The following DAB1 variants were observed in gnomAD, a reference collection of about 807,000 sequenced individuals.
DAB1 encodes DAB adaptor protein 1.
In DAB1, 15 loss-of-function variants were observed where a neutral mutation model predicts 64.6. That is an observed-to-expected ratio of 0.23 (90% CI 0.16 to 0.36). DAB1 has a LOEUF of 0.36. Among genes scored for constraint, DAB1 ranks in the 10% least tolerant of loss-of-function variants. DAB1 has a pLI of 1.00. For synonymous variants in DAB1, 235 were observed against 251.9 expected, an observed-to-expected ratio of 0.93 and a Z score of 0.64; for missense variants, 596 against 706.7, an observed-to-expected ratio of 0.84 and a Z score of 1.78.
chr1:57,788,899 T>C (rs1650460459), intron 6 of DAB1, among the ~76,000 whole-genome samples: 1 of 152,060 alleles, frequency 6.6e-6, no homozygotes, highest in Admixed American at 6.6e-5. Flanking sequence ...CCACCAAAAA[T>C]TGAGGTCAGA....
chr1:57,607,965 G>A (rs1645677191), intron 7 of DAB1, among the ~76,000 whole-genome samples: 1 of 152,112 alleles, frequency 6.6e-6, no homozygotes, highest in Admixed American at 6.6e-5. Flanking sequence ...TGCCAGGTAA[G>A]ACAGAGCATG....
chr1:58,525,866 A>T (rs565401186), intron 2 of DAB1, among the ~76,000 whole-genome samples: 37 of 152,176 alleles, frequency 2.4e-4, no homozygotes, highest in African/African-American at 8.7e-4. Context: ...TAAACAAGCC[A>T]ATGGAACAGA....
chr1:57,780,367 A>G (rs1193698730), intron 6 of DAB1, among the ~76,000 whole-genome samples: 1 of 152,156 alleles, frequency 6.6e-6, no homozygotes, highest in Non-Finnish European at 1.5e-5. Flanking sequence ...AATTTGATAA[A>G]TATTCCTCAA....
rs1276438721 is a variant in DAB1, at chr1:57,802,671, G to C, written n.551+81328C>G. On this transcript the variant is annotated intron_variant and non_coding_transcript_variant, in intron 6 of 20. Coordinates refer to the DAB1 transcript ENST00000485760. ...AGTGAGTGAGTTCTCATGAGATCTG[G>C]TTGTTTAAAACTGTGTAGCACCTTC... Among the ~76,000 whole-genome samples, 5 of 152,156 alleles carry C rather than the reference G, an allele frequency of 3.3e-5. No homozygotes were observed. The East Asian group carries it at 7.7e-4, about 24-fold the overall frequency.
intron 5 of DAB1, among the ~76,000 whole-genome samples, chr1:57,898,986 G>A (rs965094450): frequency 6.6e-6 from 1 of 151,692 alleles, no homozygotes; most frequent in African/African-American, 2.4e-5. Context: ...GGTAGGGATC[G>A]GTTTGTTCCA....
intron 5 of DAB1, among the ~76,000 whole-genome samples, chr1:57,942,391 AT>A (rs1021115112): frequency 1.3e-5 from 2 of 152,242 alleles, no homozygotes; most frequent in African/African-American, 4.8e-5. Context: ...TGAAACCACA[AT>A]TAACTGTACA....
intron 9 of DAB1, among the ~76,000 whole-genome samples, chr1:57,053,307 G>T (rs997743758): frequency 6.6e-6 from 1 of 152,086 alleles, no homozygotes. Flanking sequence ...GAGTGCAATT[G>T]TGCAATCATA....
intron 5 of DAB1, among the ~76,000 whole-genome samples, chr1:58,011,738 A>C (rs889830686): frequency 5.9e-5 from 9 of 151,958 alleles, no homozygotes; most frequent in African/African-American, 1.9e-4. Flanking sequence ...CCCAGGCTGG[A>C]GTGCAGTGGT....
chr1:58,229,063 C>T lies in DAB1; in HGVS notation n.310-78475G>A, dbSNP rs552242662. ...CTCACTGCAACCTTGAACTCCCAGG[C>T]TCAATTGATCCTCCTGCCTCAGCCT... On this transcript the variant is annotated intron_variant and non_coding_transcript_variant, in intron 4 of 20. Transcript: ENST00000485760. The T allele has an allele frequency of 1.5e-5, 4 of 272,984 alleles. No individual in the cohort carries two copies. In the South Asian group the frequency reaches 2.0e-4, roughly 13 times the overall value. The allele number at this position is 272,984 out of a possible 1,614,324, so 16.9% of individuals were successfully genotyped here.
At chr1:57,701,988 C>T (rs1646913699) in intron 6 of DAB1, among the ~76,000 whole-genome samples, 1 of 152,116 alleles carries the variant, frequency 6.6e-6, no homozygotes, top group Non-Finnish European at 1.5e-5. Flanking sequence ...ATTGCCATCT[C>T]GTTAGAGTTG....
intron 5 of DAB1, among the ~76,000 whole-genome samples, chr1:58,063,807 A>G (rs947634034): frequency 6.6e-6 from 1 of 152,188 alleles, no homozygotes; most frequent in African/African-American, 2.4e-5. Context: ...GCCCAAGCCA[A>G]TTGCCATTTC....
chr1:57,557,508 A>C lies in DAB1; in HGVS notation n.625+92084T>G, dbSNP rs550123500. Among the ~76,000 whole-genome samples, 4 of 152,222 alleles carry C rather than the reference A, an allele frequency of 2.6e-5. No homozygotes were observed. The South Asian group carries it at 8.3e-4, about 32-fold the overall frequency. On this transcript the variant is annotated intron_variant and non_coding_transcript_variant, in intron 7 of 20. Coordinates refer to the DAB1 transcript ENST00000485760. ...TTTCATTAGTTCTGTACCTCTAGAA[A>C]ACCCTGACTAATACAAACTTTGGTA...
intron 4 of DAB1, among the ~76,000 whole-genome samples, chr1:57,129,997 C>G (rs906590826): frequency 4.6e-5 from 7 of 151,838 alleles, no homozygotes; most frequent in African/African-American, 1.7e-4. Context: ...GTTTCCTATG[C>G]CAGGCCTGGC....
chr1:57,910,447 C>T (rs1488951549), intron 5 of DAB1, among the ~76,000 whole-genome samples: 4 of 152,230 alleles, frequency 2.6e-5, no homozygotes, highest in African/African-American at 4.8e-5. Context: ...CGTTCCACAG[C>T]ACCGCTCTGG....
intron 9 of DAB1, among the ~76,000 whole-genome samples, chr1:57,037,902 G>T (rs528030921): frequency 6.6e-6 from 1 of 152,262 alleles, no homozygotes; most frequent in Non-Finnish European, 1.5e-5. Context: ...AGAACTTCTT[G>T]GGATGATGTA....
At chr1:58,392,813 T>A (rs931452889) in intron 3 of DAB1, among the ~76,000 whole-genome samples, 4 of 152,240 alleles carry the variant, frequency 2.6e-5, no homozygotes, top group African/African-American at 9.6e-5. Context: ...TCTTCAGGGC[T>A]CACCTTCTGT....
At chr1:58,077,632 C>G (rs1649736807) in intron 5 of DAB1, among the ~76,000 whole-genome samples, 1 of 152,184 alleles carries the variant, frequency 6.6e-6, no homozygotes, top group South Asian at 2.1e-4. Flanking sequence ...GTTCTTCTGA[C>G]CTTAGCTCTC....
At chr1:57,528,430 G>A (rs1644618921) in intron 7 of DAB1, among the ~76,000 whole-genome samples, 1 of 152,040 alleles carries the variant, frequency 6.6e-6, no homozygotes, top group Non-Finnish European at 1.5e-5. Flanking sequence ...CAGAATGAGA[G>A]GAGAGAGATA....
chr1:57,458,995 C>T (rs954675741), intron 7 of DAB1, among the ~76,000 whole-genome samples: 1 of 151,896 alleles, frequency 6.6e-6, no homozygotes, highest in African/African-American at 2.4e-5. Flanking sequence ...AAAAGAGAAA[C>T]ATGTGAGTCA....
Sources: allele counts gnomAD v4.1 joint callset (sites outside exome capture counted in the v4.1 genomes callset), GRCh38; gene constraint gnomAD v4.1.1; transcripts MANE v1.5; gene names NCBI Gene and HGNC (gene_info 2026-07-23, HGNC 2026-07-21).